SLC45A1: variants seen among roughly 807,000 people sequenced by gnomAD.
The protein encoded by SLC45A1 is proton-associated sugar transporter A.
In SLC45A1, 28 loss-of-function variants were observed where a neutral mutation model predicts 57.6. That is an observed-to-expected ratio of 0.49 (90% confidence interval 0.36 to 0.67). SLC45A1 has a LOEUF of 0.67. Ranked by LOEUF, SLC45A1 falls within the 30% of genes least tolerant of loss-of-function variation. SLC45A1 has a pLI of 0.00. For missense variants in SLC45A1, 814 were observed against 1,041.5 expected (o/e 0.78, Z 3.01); for synonymous variants, 459 against 471.5 (o/e 0.97, Z 0.34).
chr1:8,326,537 G>T lies in SLC45A1; in HGVS notation c.715+495G>T, dbSNP rs1569937739. Among the ~76,000 whole-genome samples the T allele has an allele frequency of 6.6e-6, 1 of 152,138 alleles. No individual in the cohort carries two copies. Among genetic ancestry groups the T allele is most frequent in the Non-Finnish European group, 1.5e-5 (1 of 68,032 alleles). On this transcript the variant is annotated intron_variant, in intron 4 of 8. Coordinates refer to ENST00000471889, the MANE Select transcript of SLC45A1 (RefSeq NM_001080397.3). The surrounding 1 kb of genome is among the most constrained non-coding windows in gnomAD (Gnocchi z 5.5). ...GCTGCAACTCAAGCCTGAACGAAGC[G>T]TCACTGTCGCATGCATTTTCTGCAC...
intron 5 of SLC45A1, among the ~76,000 whole-genome samples, chr1:8,331,223 T>G (rs1640397092): frequency 6.6e-6 from 1 of 152,030 alleles, no homozygotes; most frequent in Non-Finnish European, 1.5e-5. Flanking sequence ...TTTTTAGTAT[T>G]TTAGTATTTT....
intron 8 of SLC45A1, among the ~76,000 whole-genome samples, chr1:8,341,641 G>A (rs897820731): frequency 6.7e-6 from 1 of 149,618 alleles, no homozygotes; most frequent in Admixed American, 6.7e-5. Context: ...GCATTTAAAA[G>A]GCCAAACGCA....
Position 8,325,160 on chromosome 1 carries a change from A to G in SLC45A1, c.398-138A>G. ...TGGTTTCCGAGTTCAGGGTTTTGTC[A>G]CTGACTGTTTCATCATCTTATTCTT... On this transcript the variant is annotated intron_variant, in intron 2 of 8. Coordinates refer to ENST00000471889, the MANE Select transcript of SLC45A1 (RefSeq NM_001080397.3). The surrounding 1 kb of genome is among the most constrained non-coding windows in gnomAD (Gnocchi z 6.3). 1 of 622,976 alleles carries G rather than the reference A, an allele frequency of 1.6e-6. No individual in the cohort carries two copies. Among genetic ancestry groups the G allele is most frequent in the Non-Finnish European group, 2.9e-6 (1 of 347,976 alleles). 38.6% of individuals were successfully genotyped at this position (622,976 alleles called of 1,614,324 possible).
rs187312870 is a variant in SLC45A1, at chr1:8,322,688, T to C, written c.-24-1618T>C. ...GAAAAAAGTGGCTTACTTTTGAAGC[T>C]TAAAACTAATTTTGAGAGAAAGCCC... On this transcript the variant is annotated intron_variant, in intron 1 of 8. Coordinates refer to ENST00000471889, the MANE Select transcript of SLC45A1 (RefSeq NM_001080397.3). Among the ~76,000 whole-genome samples the C allele has an allele frequency of 2.7e-3, 413 of 152,314 alleles. 3 individuals are homozygous for C. The highest frequency in any genetic ancestry group is 9.3e-3 in the African/African-American group (388 of 41,566).
At chr1:8,323,829 C>G (rs1172939807) in intron 1 of SLC45A1, among the ~76,000 whole-genome samples, 1 of 152,148 alleles carries the variant, frequency 6.6e-6, no homozygotes, top group Non-Finnish European at 1.5e-5. Flanking sequence ...GAGGAGCTGT[C>G]CCCGCAACGC....
chr1:8,332,552 C>G (rs1200868456), intron 5 of SLC45A1, among the ~76,000 whole-genome samples: 1 of 150,352 alleles, frequency 6.7e-6, no homozygotes, highest in Non-Finnish European at 1.5e-5. Context: ...TGCTCTGTTG[C>G]CCAGGCTGGA....
chr1:8,318,941 C>T (rs958194323), intron 1 of SLC45A1, among the ~76,000 whole-genome samples: 2 of 152,204 alleles, frequency 1.3e-5, no homozygotes, highest in African/African-American at 4.8e-5. Context: ...AGAGCACCTT[C>T]CTGGTCCTGG....
At chr1:8,334,992 G>C (rs534786318) in intron 5 of SLC45A1, among the ~76,000 whole-genome samples, 128 of 152,294 alleles carry the variant, frequency 8.4e-4, no homozygotes, top group African/African-American at 3.1e-3. Flanking sequence ...TGTGGTGGGG[G>C]TTCCACCTGT....
chr1:8,327,416 C>A lies in SLC45A1; in HGVS notation c.715+1374C>A, dbSNP rs1640236972. 6.6e-6 allele frequency among the ~76,000 whole-genome samples: 1 copy of A among 152,206 alleles called. No homozygotes were observed. Among genetic ancestry groups the A allele is most frequent in the African/African-American group, 2.4e-5 (1 of 41,446 alleles). On this transcript the variant is annotated intron_variant, in intron 4 of 8. Transcript: ENST00000471889. This position sits in a 1 kb window ranked among gnomAD's most constrained non-coding sequence, Gnocchi z 4.3. ...CAAACAAAAGGTGTGAGGTCAGCCCCACTGGTCTCTGGGGCTGGACGTATG... is the reference window on the plus strand; with the variant it reads ...CAAACAAAAGGTGTGAGGTCAGCCCAACTGGTCTCTGGGGCTGGACGTATG...
chr1:8,330,071 G>A lies in SLC45A1; in HGVS notation c.716-138G>A. 2 of 1,091,182 alleles carry A rather than the reference G, an allele frequency of 1.8e-6. No individual in the cohort carries two copies. Among genetic ancestry groups the A allele is most frequent in the Non-Finnish European group, 2.6e-6 (2 of 757,210 alleles). 67.6% of individuals were successfully genotyped at this position (1,091,182 alleles called of 1,614,324 possible). A position where few individuals can be genotyped will look rare whatever the true frequency, so the allele number is the denominator to read the frequency against. On this transcript the variant is annotated intron_variant, in intron 4 of 8. Transcript: ENST00000471889. The surrounding 1 kb of genome is among the most constrained non-coding windows in gnomAD (Gnocchi z 8.4). ...CTGGGAATCCTGTCCCATTTTGTTGGGGTTTAGGTGGAACAGGTTCTGTGC... is the reference window on the plus strand; with the variant it reads ...CTGGGAATCCTGTCCCATTTTGTTGAGGTTTAGGTGGAACAGGTTCTGTGC...
chr1:8,342,067 C>T (rs144518752), intron 8 of SLC45A1, among the ~76,000 whole-genome samples: 2,584 of 152,022 alleles, frequency 0.017, 84 homozygotes, highest in African/African-American at 0.059. Flanking sequence ...ATTAGCCGGG[C>T]GTGGTGGCGG....
chr1:8,344,148 A>C lies in SLC45A1; in HGVS notation c.*135A>C. 1 of 833,332 alleles carries C rather than the reference A, an allele frequency of 1.2e-6. No homozygotes were observed. Among genetic ancestry groups the C allele is most frequent in the Non-Finnish European group, 1.8e-6 (1 of 567,316 alleles). The allele number at this position is 833,332 out of a possible 1,614,324, so 51.6% of individuals were successfully genotyped here. ...AATGTAAATATGTGATAAAATAATA[A>C]ATGACAGCGGCAAAGCCTATGGTTT... On this transcript the variant is annotated 3_prime_UTR_variant, in exon 9 of 9. Transcript: ENST00000471889.
At position 8,325,205 on chromosome 1, in the gene SLC45A1, T is replaced by G; in HGVS notation, c.398-93T>G. 1.3e-6 allele frequency: 1 copy of G among 789,572 alleles called. No homozygotes were observed. The highest frequency in any genetic ancestry group is 2.5e-5 in the East Asian group (1 of 40,704). 48.9% of individuals were successfully genotyped at this position (789,572 alleles called of 1,614,324 possible). A position where few individuals can be genotyped will look rare whatever the true frequency, so the allele number is the denominator to read the frequency against. ...ATTCTTTTGATGCACTGGGGGTGTT[T>G]GAGAGCAGGCACTTCAGGAATGTGG... On this transcript the variant is annotated intron_variant, in intron 2 of 8. Transcript: ENST00000471889. The surrounding 1 kb of genome is among the most constrained non-coding windows in gnomAD (Gnocchi z 6.3).
At chr1:8,319,208 A>G (rs1639916971) in intron 1 of SLC45A1, among the ~76,000 whole-genome samples, 2 of 152,334 alleles carry the variant, frequency 1.3e-5, no homozygotes, top group South Asian at 4.1e-4. Context: ...TGAACCCAGG[A>G]GGCGGAGGTT....
chr1:8,331,007 C>A, intron 5 of SLC45A1, 71 bp downstream of exon 5: 2 of 1,491,472 alleles, frequency 1.3e-6, no homozygotes, highest in Non-Finnish European at 1.8e-6. Context: ...AGTTACATGA[C>A]AAAGAGGGAG....
chr1:8,339,453 C>T, intron 7 of SLC45A1, 40 bp from the exon 8 acceptor site: 1 of 1,604,688 alleles, frequency 6.2e-7, no homozygotes, highest in Non-Finnish European at 8.5e-7. Flanking sequence ...CCCGGAGGCT[C>T]TGGCCGTGTG....
chr1:8,332,135 G>T (rs139042840), intron 5 of SLC45A1, among the ~76,000 whole-genome samples: 2 of 152,312 alleles, frequency 1.3e-5, no homozygotes, highest in African/African-American at 4.8e-5. Flanking sequence ...TGTAATTCAG[G>T]CCGGGCCTGT....
rs1640574274 is a variant in SLC45A1 at position 8,335,445 on chromosome 1, T to C, written c.1452T>C (p.Asn484=). The change falls in exon 6 of 9, where the codon AAT becomes AAC. Residue 484 remains asparagine, a synonymous_variant. Coordinates refer to ENST00000471889, the MANE Select transcript of SLC45A1 (RefSeq NM_001080397.3). This position sits in a 1 kb window ranked among gnomAD's most constrained non-coding sequence, Gnocchi z 4.1. Reference sequence around the variant, plus strand: ...TTGTGGGCTCTTCCCAGGTGGCCAATATCCTGCTCAACGGCGTGAAGTATG... The same window carrying C: ...TTGTGGGCTCTTCCCAGGTGGCCAACATCCTGCTCAACGGCGTGAAGTATG... The part of the protein sequence containing the change: ...RNVTFSQQVA[N]ILLNGVKYES... The C allele has an allele frequency of 6.3e-7, 1 of 1,591,174 alleles. No homozygotes were observed. Among genetic ancestry groups the C allele is most frequent in the Non-Finnish European group, 8.5e-7 (1 of 1,174,862 alleles).
At chr1:8,333,239 CTT>C (rs1305399179) in intron 5 of SLC45A1, among the ~76,000 whole-genome samples, 1 of 144,844 alleles carries the variant, frequency 6.9e-6, no homozygotes, top group Admixed American at 6.9e-5. Flanking sequence ...TTTTCCTTTC[CTT>C]TTTTTTTTTT....
Sources: gnomAD v4.1 joint callset for allele counts (sites outside exome capture counted in the v4.1 genomes callset) on GRCh38, gnomAD v4.1.1 for gene constraint, Gnocchi (gnomAD v3.1) non-coding constraint, MANE v1.5 for transcripts, NCBI Gene and HGNC (gene_info 2026-07-23, HGNC 2026-07-21) for gene names.